Variants in CELF2 observed in about 807,000 individuals in gnomAD.
CELF2 encodes the protein CUG triplet repeat RNA-binding protein 2.
CELF2 carries 8 observed loss-of-function variants against 62.6 expected under a neutral mutation model. The ratio of observed to expected loss-of-function variants is 0.13; its 90% CI spans 0.07 to 0.23. The LOEUF (loss-of-function observed/expected upper bound fraction) is 0.23, where lower values mean the gene tolerates loss of function less well. CELF2 is among the 10% of genes least tolerant of loss of function. The pLI is 1.00. For synonymous variants in CELF2, 258 were observed against 250.0 expected (o/e 1.03, Z -0.30); for missense variants, 333 against 671.0 (o/e 0.50, Z 5.56).
At chr10:11,171,445 C>G (rs2068831847) in intron 2 of CELF2, 1 of 152,584 alleles carries the variant, frequency 6.6e-6, no homozygotes, top group South Asian at 2.1e-4. Context: ...TTAGTAAAAT[C>G]TTAGTTTGTC....
In CELF2 at chr10:11,268,885, A is replaced by G. The variant is rs1268546438; in HGVS notation, c.619-1781A>G. Reference sequence around the variant, plus strand: ...TTGAAAGAACAAGGTCTTAAAAACAATTAATTTTATATCGTGCCTTCTGTT... The same window carrying G: ...TTGAAAGAACAAGGTCTTAAAAACAGTTAATTTTATATCGTGCCTTCTGTT... On this transcript the variant is annotated intron_variant, in intron 6 of 12. Transcript: ENST00000633077. This position sits in a 1 kb window ranked among gnomAD's most constrained non-coding sequence, Gnocchi z 4.7. Among the ~76,000 whole-genome samples, 3 of 152,180 alleles carry G rather than the reference A, an allele frequency of 2.0e-5. No individual in the cohort carries two copies. The highest frequency in any genetic ancestry group is 4.8e-5 in the African/African-American group (2 of 41,430).
intron 1 of CELF2, among the ~76,000 whole-genome samples, chr10:11,061,117 T>C (rs1015032145): frequency 5.9e-5 from 9 of 152,252 alleles, no homozygotes; most frequent in African/African-American, 2.2e-4. Context: ...CTGGGTCTGT[T>C]GGACCAAGCA....
At position 11,267,857 on chromosome 10, in the gene CELF2, T is replaced by C. The variant is rs1315442359; in HGVS notation, c.618+1180T>C. ...TGTCATTCAGTGTTTACTGTACTTT[T>C]CTGACTTGTGATACCAGCATTGCAA... On this transcript the variant is annotated intron_variant, in intron 6 of 12. Transcript: ENST00000633077. The surrounding 1 kb of genome is among the most constrained non-coding windows in gnomAD (Gnocchi z 4.4). Among the ~76,000 whole-genome samples the C allele has an allele frequency of 6.6e-6, 1 of 152,196 alleles. No individual in the cohort carries two copies. The highest frequency in any genetic ancestry group is 1.5e-5 in the Non-Finnish European group (1 of 68,028).
the CELF2 span, among the ~76,000 whole-genome samples, chr10:10,714,663 GA>G: frequency 6.6e-6 from 1 of 152,130 alleles, no homozygotes; most frequent in African/African-American, 2.4e-5. Context: ...AGGGATGGGG[GA>G]TTTTTGATGA....
At chr10:10,542,234 A>G in the CELF2 span, among the ~76,000 whole-genome samples, 1 of 152,186 alleles carries the variant, frequency 6.6e-6, no homozygotes, top group South Asian at 2.1e-4. Context: ...CCAGTTTTAC[A>G]GATAAGGAAA....
rs2095998220 is a variant in CELF2, at chr10:11,330,842, A to T, written c.*1789A>T. The T allele has an allele frequency of 6.6e-6, 1 of 152,618 alleles. No homozygotes were observed. The highest frequency in any genetic ancestry group is 1.5e-5 in the Non-Finnish European group (1 of 68,038). 9.5% of individuals were successfully genotyped at this position (152,618 alleles called of 1,614,324 possible). A position where few individuals can be genotyped will look rare whatever the true frequency, so the allele number is the denominator to read the frequency against. On this transcript the variant is annotated 3_prime_UTR_variant, in exon 13 of 13. Transcript: ENST00000633077. This position sits in a 1 kb window ranked among gnomAD's most constrained non-coding sequence, Gnocchi z 4.5. ...ACAATAGCAATATGTGTCCAGGGAC[A>T]CAGAATGTTGGTTTCTAACAGACTA...
intron 2 of CELF2, among the ~76,000 whole-genome samples, chr10:11,189,613 GTAT>G (rs1315497979): frequency 1.3e-5 from 2 of 152,180 alleles, no homozygotes; most frequent in Admixed American, 6.5e-5. Flanking sequence ...AGCTCAGGGA[GTAT>G]ACTGGGTCCT....
intron 1 of CELF2, among the ~76,000 whole-genome samples, chr10:11,152,746 T>C (rs955420994): frequency 6.6e-6 from 1 of 152,228 alleles, no homozygotes; most frequent in Admixed American, 6.5e-5. Context: ...GTCTTCAGAA[T>C]GCATCAAACT....
chr10:10,855,055 C>G (rs185055211), intron 1 of CELF2, among the ~76,000 whole-genome samples: 181 of 152,280 alleles, frequency 1.2e-3, no homozygotes, highest in African/African-American at 4.2e-3. Flanking sequence ...GGGTCACTGC[C>G]AAGCATCGGG....
rs1052101823 is a variant in CELF2 at position 11,309,632 on chromosome 10, C to T, written c.977-4507C>T. ...CTGCTCTGATTGTCCCCACAGTCTG[C>T]TCTGACTGTGGCTGGGCCCTTTCGT... On this transcript the variant is annotated intron_variant, in intron 9 of 12. Coordinates refer to ENST00000633077, the MANE Select transcript of CELF2 (RefSeq NM_001326342.2). The surrounding 1 kb of genome is among the most constrained non-coding windows in gnomAD (Gnocchi z 5.6). Among the ~76,000 whole-genome samples, 1 of 151,824 alleles carries T rather than the reference C, an allele frequency of 6.6e-6. No homozygotes were observed. The highest frequency in any genetic ancestry group is 2.4e-5 in the African/African-American group (1 of 41,416).
intron 4 of CELF2, among the ~76,000 whole-genome samples, chr10:11,253,167 T>G (rs934610353): frequency 3.9e-5 from 6 of 152,190 alleles, no homozygotes; most frequent in African/African-American, 1.4e-4. Context: ...CTTTGCCTCT[T>G]GCCGCAAGGG....
At chr10:11,018,219 G>C (rs952261245) in intron 1 of CELF2, 56 bp downstream of exon 1, 64 of 1,448,232 alleles carry the variant, frequency 4.4e-5, no homozygotes, top group Non-Finnish European at 5.6e-5. Context: ...CCCAGAGTCG[G>C]CGGCGCGAAG....
intron 2 of CELF2, among the ~76,000 whole-genome samples, chr10:10,964,290 A>G (rs1413469699): frequency 3.3e-5 from 5 of 152,154 alleles, no homozygotes; most frequent in Admixed American, 3.3e-4. Context: ...AAAAGTGTTT[A>G]TGTTTATCAG....
intron 1 of CELF2, among the ~76,000 whole-genome samples, chr10:11,056,211 T>C (rs1239373432): frequency 2.0e-5 from 3 of 152,206 alleles, no homozygotes; most frequent in African/African-American, 7.2e-5. Flanking sequence ...TCATAATCAT[T>C]CTAATAATTC....
At chr10:11,175,326 G>A (rs1465527576) in intron 2 of CELF2, among the ~76,000 whole-genome samples, 1 of 152,158 alleles carries the variant, frequency 6.6e-6, no homozygotes, top group Non-Finnish European at 1.5e-5. Context: ...ATTGAGTCAT[G>A]AGATTGAAAA....
chr10:11,108,242 G>A (rs2054164545), intron 1 of CELF2, among the ~76,000 whole-genome samples: 1 of 150,274 alleles, frequency 6.7e-6, no homozygotes, highest in Admixed American at 6.6e-5. Flanking sequence ...TTACCATTAG[G>A]ATGTGTCAAC....
At chr10:11,322,144 C>T (rs973037019) in intron 11 of CELF2, among the ~76,000 whole-genome samples, 4 of 152,168 alleles carry the variant, frequency 2.6e-5, no homozygotes, top group Admixed American at 1.3e-4. Context: ...GTGGGTGAAA[C>T]GCTCTCTGTC....
the CELF2 span, among the ~76,000 whole-genome samples, chr10:10,750,629 C>G: frequency 6.6e-6 from 1 of 152,210 alleles, no homozygotes; most frequent in Non-Finnish European, 1.5e-5. Flanking sequence ...AAAAATTTAA[C>G]AAATAAATTT....
the CELF2 span, among the ~76,000 whole-genome samples, chr10:10,779,033 A>G: frequency 1.3e-5 from 2 of 152,162 alleles, no homozygotes; most frequent in African/African-American, 4.8e-5. Context: ...GCCTTAGGAG[A>G]AGGTATTTGC....
Sources: gnomAD v4.1 joint callset for allele counts (sites outside exome capture counted in the v4.1 genomes callset) on GRCh38, gnomAD v4.1.1 for gene constraint, Gnocchi (gnomAD v3.1) non-coding constraint, MANE v1.5 for transcripts, NCBI Gene and HGNC (gene_info 2026-07-23, HGNC 2026-07-21) for gene names.